ESRRG: variants seen among roughly 807,000 people sequenced by gnomAD.
The protein encoded by ESRRG is estrogen-related receptor gamma.
In ESRRG, 13 loss-of-function variants were observed where a neutral mutation model predicts 44.0. The observed-to-expected ratio is 0.30, with a 90% CI of 0.19 to 0.47. The LOEUF (loss-of-function observed/expected upper bound fraction) is 0.47. Ranked by LOEUF, ESRRG falls within the 20% of genes least tolerant of loss-of-function variation. The pLI is 1.00. For synonymous variants in ESRRG, 215 were observed against 214.6 expected (o/e 1.00, Z -0.02); for missense variants, 395 against 580.6 (o/e 0.68, Z 3.29).
intron 2 of ESRRG, among the ~76,000 whole-genome samples, chr1:216,781,961 G>A (rs1169579407): frequency 6.6e-6 from 1 of 152,024 alleles, no homozygotes; most frequent in Non-Finnish European, 1.5e-5. Context: ...TTCATTTGGG[G>A]TTACCTGGCC....
intron 2 of ESRRG, among the ~76,000 whole-genome samples, chr1:216,655,405 G>A (rs1165293574): frequency 6.6e-6 from 1 of 152,160 alleles, no homozygotes; most frequent in African/African-American, 2.4e-5. Context: ...CAGGAATTAT[G>A]CTTAGGAAGA....
chr1:217,036,844 A>AAG (rs988664510), intron 1 of ESRRG, among the ~76,000 whole-genome samples: 1 of 151,316 alleles, frequency 6.6e-6, no homozygotes. Flanking sequence ...AAGAAAAGAA[A>AAG]AAAAAAAGAG....
intron 1 of ESRRG, among the ~76,000 whole-genome samples, chr1:216,992,952 C>G (rs972479654): frequency 6.6e-6 from 1 of 152,188 alleles, no homozygotes; most frequent in Non-Finnish European, 1.5e-5. Flanking sequence ...AAAATATCAC[C>G]TCCATTTGAT....
At chr1:216,932,925 T>C (rs1039825340) in intron 2 of ESRRG, among the ~76,000 whole-genome samples, 1 of 151,834 alleles carries the variant, frequency 6.6e-6, no homozygotes. Flanking sequence ...AAAATATAGA[T>C]ACACTTTGGC....
At chr1:216,601,202 A>T (rs1278281365) in intron 3 of ESRRG, among the ~76,000 whole-genome samples, 1 of 151,928 alleles carries the variant, frequency 6.6e-6, no homozygotes, top group Non-Finnish European at 1.5e-5. Flanking sequence ...TGCTCGCTCC[A>T]TGGACAGCTG....
chr1:217,100,225 G>A (rs2092489933), intron 1 of ESRRG, among the ~76,000 whole-genome samples: 1 of 152,096 alleles, frequency 6.6e-6, no homozygotes, highest in South Asian at 2.1e-4. Flanking sequence ...TTTCTCTAAG[G>A]CTGTACTTTA....
At chr1:216,780,920 A>T (rs1291838761) in intron 2 of ESRRG, among the ~76,000 whole-genome samples, 1 of 152,048 alleles carries the variant, frequency 6.6e-6, no homozygotes, top group African/African-American at 2.4e-5. Flanking sequence ...CTATTTAAAG[A>T]TCATTTATTT....
chr1:216,560,214 T>A (rs1206033384), intron 5 of ESRRG, among the ~76,000 whole-genome samples: 2 of 152,180 alleles, frequency 1.3e-5, no homozygotes, highest in Non-Finnish European at 1.5e-5. Context: ...AGAAAAATTA[T>A]AGGAATTTTT....
chr1:216,831,613 G>A (rs2095488959), intron 2 of ESRRG, among the ~76,000 whole-genome samples: 1 of 151,964 alleles, frequency 6.6e-6, no homozygotes, highest in Admixed American at 6.6e-5. Context: ...CGTGAATAAT[G>A]CGACATTACT....
At chr1:216,930,039 G>A (rs1293847989) in intron 2 of ESRRG, among the ~76,000 whole-genome samples, 1 of 152,136 alleles carries the variant, frequency 6.6e-6, no homozygotes, top group African/African-American at 2.4e-5. Context: ...GAGTCCAGGA[G>A]AGACCCCTCA....
chr1:216,914,514 C>T (rs150560022), intron 2 of ESRRG, among the ~76,000 whole-genome samples: 171 of 152,216 alleles, frequency 1.1e-3, no homozygotes, highest in African/African-American at 3.4e-3. Flanking sequence ...AGAAGGAACG[C>T]TCACATAAAA....
At chr1:216,851,683 A>T in intron 2 of ESRRG, among the ~76,000 whole-genome samples, 1 of 152,166 alleles carries the variant, frequency 6.6e-6, no homozygotes, top group Non-Finnish European at 1.5e-5. Context: ...TGTTGTTTAT[A>T]AGCCACACAG....
Position 216,506,483 on chromosome 1 carries a change from G to C in ESRRG, c.*456C>G, listed in dbSNP as rs2041233338. On this transcript the variant is annotated 3_prime_UTR_variant, in exon 7 of 7. Coordinates refer to ENST00000408911, the MANE Select transcript of ESRRG (RefSeq NM_001438.4). The stretch of plus-strand genomic sequence containing the variant: ...GGAAAGGGAAAAGGAAAGGGAAAAA[G>C]GAAAGAAAGGGAAAGGAAAGGGGGA... 2.8e-6 allele frequency: 1 copy of C among 351,622 alleles called. No individual in the cohort carries two copies. Among genetic ancestry groups the C allele is most frequent in the African/African-American group, 2.2e-5 (1 of 44,934 alleles). The allele number at this position is 351,622 out of a possible 1,614,324, so 21.8% of individuals were successfully genotyped here.
chr1:216,520,817 A>G (rs1264850839), intron 5 of ESRRG, among the ~76,000 whole-genome samples: 1 of 152,206 alleles, frequency 6.6e-6, no homozygotes, highest in Non-Finnish European at 1.5e-5. Flanking sequence ...TATCCAAATC[A>G]TAAGTAGCCA....
intron 2 of ESRRG, among the ~76,000 whole-genome samples, chr1:216,817,596 G>C (rs1473450794): frequency 6.6e-6 from 1 of 152,098 alleles, no homozygotes; most frequent in Non-Finnish European, 1.5e-5. Context: ...TGGGCCGAGG[G>C]ATTACAGCAA....
At chr1:216,987,540 A>G (rs1253335456) in intron 1 of ESRRG, among the ~76,000 whole-genome samples, 1 of 152,248 alleles carries the variant, frequency 6.6e-6, no homozygotes, top group Non-Finnish European at 1.5e-5. Context: ...GGGGAAGAAG[A>G]CAAATGAAGG....
intron 1 of ESRRG, among the ~76,000 whole-genome samples, chr1:217,043,898 C>T (rs185247806): frequency 9.7e-4 from 148 of 151,960 alleles, no homozygotes; most frequent in Non-Finnish European, 1.4e-3. Context: ...TCATCCCTTC[C>T]CTAATACCAC....
chr1:217,091,942 C>T (rs112037234), upstream of ESRRG, among the ~76,000 whole-genome samples: 186 of 152,314 alleles, frequency 1.2e-3, no homozygotes, highest in African/African-American at 4.1e-3. Context: ...ATTTGACTAA[C>T]TTTAATCCTC....
chr1:217,100,726 G>T (rs2151566900), intron 1 of ESRRG, among the ~76,000 whole-genome samples: 1 of 152,280 alleles, frequency 6.6e-6, no homozygotes, highest in East Asian at 1.9e-4. Flanking sequence ...TGGCGAGAGT[G>T]GGAGCAAGAG....
Sources: gnomAD v4.1 joint callset for allele counts (sites outside exome capture counted in the v4.1 genomes callset) on GRCh38, gnomAD v4.1.1 for gene constraint, MANE v1.5 for transcripts, NCBI Gene and HGNC (gene_info 2026-07-23, HGNC 2026-07-21) for gene names.